RASGRP1: variants seen among roughly 807,000 people sequenced by gnomAD.
The protein encoded by RASGRP1 is RAS guanyl releasing protein 1, also known as RAS guanyl-releasing protein 1.
In RASGRP1, 37 loss-of-function variants were observed where a neutral mutation model predicts 95.1. The observed-to-expected ratio is 0.39, with a 90% CI of 0.30 to 0.51. RASGRP1 has a LOEUF of 0.51. RASGRP1 is among the 20% of genes least tolerant of loss of function. RASGRP1 has a pLI of 0.80. For synonymous variants in RASGRP1, 325 were observed against 353.4 expected, an observed-to-expected ratio of 0.92 and a Z score of 0.90; for missense variants, 711 against 965.4, an observed-to-expected ratio of 0.74 and a Z score of 3.49.
chr15:38,492,229 T>C (rs1473901626), intron 16 of RASGRP1, among the ~76,000 whole-genome samples: 1 of 152,234 alleles, frequency 6.6e-6, no homozygotes, highest in East Asian at 1.9e-4. Context: ...ATCTTAACAA[T>C]AACTCTGAGC....
At chr15:38,499,118 C>T (rs566480755) in intron 14 of RASGRP1, 172 bp from the exon 15 acceptor site, 352 of 869,846 alleles carry the variant, frequency 4.0e-4, no homozygotes, top group Non-Finnish European at 6.4e-4. Flanking sequence ...TTGGTGAAGC[C>T]CAGAGCTCAC....
At chr15:38,546,650 G>GAGTA (rs1326676114) in intron 2 of RASGRP1, among the ~76,000 whole-genome samples, 3 of 152,178 alleles carry the variant, frequency 2.0e-5, no homozygotes, top group Non-Finnish European at 4.4e-5. Context: ...AGGGAATAAA[G>GAGTA]TTACTATGTG....
intron 4 of RASGRP1, 35 bp downstream of exon 4, chr15:38,519,274 T>C (rs567182479): frequency 1.2e-5 from 18 of 1,500,064 alleles, no homozygotes; most frequent in Non-Finnish European, 1.7e-5. Context: ...TTCACCTTGC[T>C]CCACAAAGTC....
At chr15:38,535,023 A>T (rs1254109054) in intron 2 of RASGRP1, among the ~76,000 whole-genome samples, 1 of 152,182 alleles carries the variant, frequency 6.6e-6, no homozygotes, top group Non-Finnish European at 1.5e-5. Context: ...GGGTGAGAAC[A>T]CCTGATAATG....
rs567706488 is a variant in RASGRP1, at chr15:38,489,715, A to G, written c.*839T>C. 56 of 130,026 alleles carry G rather than the reference A, an allele frequency of 4.3e-4. No homozygotes were observed. The highest frequency in any genetic ancestry group is 1.6e-3 in the African/African-American group (56 of 34,740). 8.1% of individuals were successfully genotyped at this position (130,026 alleles called of 1,614,324 possible). The stretch of plus-strand genomic sequence containing the variant: ...AAAGATGGAACATGAAGAGTTAAAC[A>G]GACTCTTCATAGACTTTTTTTTTTA... On this transcript the variant is annotated 3_prime_UTR_variant, in exon 17 of 17. Coordinates refer to ENST00000310803, the MANE Select transcript of RASGRP1 (RefSeq NM_005739.4).
chr15:38,557,533 C>G (rs1893614120), intron 2 of RASGRP1, among the ~76,000 whole-genome samples: 1 of 152,050 alleles, frequency 6.6e-6, no homozygotes, highest in Non-Finnish European at 1.5e-5. Flanking sequence ...TACTCAAACT[C>G]TACATGGTAT....
chr15:38,526,114 C>T (rs1010326049), intron 3 of RASGRP1, among the ~76,000 whole-genome samples, 185 bp downstream of exon 3: 1 of 152,062 alleles, frequency 6.6e-6, no homozygotes, highest in African/African-American at 2.4e-5. Context: ...TAACATTGCC[C>T]CACCCAACAG....
At chr15:38,538,530 A>G (rs1892747874) in intron 2 of RASGRP1, among the ~76,000 whole-genome samples, 1 of 152,188 alleles carries the variant, frequency 6.6e-6, no homozygotes, top group African/African-American at 2.4e-5. Flanking sequence ...CTTCCTGTGT[A>G]CCAGACACTG....
At chr15:38,536,277 CG>C (rs1892641811) in intron 2 of RASGRP1, among the ~76,000 whole-genome samples, 1 of 152,132 alleles carries the variant, frequency 6.6e-6, no homozygotes, top group South Asian at 2.1e-4. Flanking sequence ...GAAGGAGCAG[CG>C]GGGCCCTGTC....
chr15:38,546,537 T>G lies in RASGRP1; in HGVS notation c.220+13284A>C, dbSNP rs1893113028. Among the ~76,000 whole-genome samples, 3 of 152,346 alleles carry G rather than the reference T, an allele frequency of 2.0e-5. 1 individual carries two copies. The South Asian group carries it at 6.2e-4, about 32-fold the overall frequency. Reference sequence around the variant, plus strand: ...AGCCACCGTGCTGGGCCATAAATTCTAACTTTCTGGTAAGATGCTTACTTC... The same window carrying G: ...AGCCACCGTGCTGGGCCATAAATTCGAACTTTCTGGTAAGATGCTTACTTC... On this transcript the variant is annotated intron_variant, in intron 2 of 16. Coordinates refer to ENST00000310803, the MANE Select transcript of RASGRP1 (RefSeq NM_005739.4).
At position 38,492,164 on chromosome 15, in the gene RASGRP1, G is replaced by C. The variant is rs1253847690; in HGVS notation, c.2260-1476C>G. Among the ~76,000 whole-genome samples the C allele has an allele frequency of 5.9e-5, 9 of 152,270 alleles. No individual in the cohort carries two copies. In the East Asian group the frequency reaches 1.7e-3, roughly 29 times the overall value. Reference sequence around the variant, plus strand: ...GCAGTTTCTATCCCTAAAGAGGAAGGGGTTTGTCTAACCCACGTTTTGCCA... The same window carrying C: ...GCAGTTTCTATCCCTAAAGAGGAAGCGGTTTGTCTAACCCACGTTTTGCCA... On this transcript the variant is annotated intron_variant, in intron 16 of 16. Coordinates refer to ENST00000310803, the MANE Select transcript of RASGRP1 (RefSeq NM_005739.4).
At chr15:38,513,185 T>A (rs1310380446) in intron 6 of RASGRP1, among the ~76,000 whole-genome samples, 1 of 152,200 alleles carries the variant, frequency 6.6e-6, no homozygotes, top group Non-Finnish European at 1.5e-5. Flanking sequence ...TCGAAAGTTA[T>A]TAGGAATAAG....
intron 15 of RASGRP1, among the ~76,000 whole-genome samples, chr15:38,496,805 T>C (rs1357019791): frequency 6.6e-6 from 1 of 152,318 alleles, no homozygotes; most frequent in East Asian, 1.9e-4. Context: ...AATGTGCATT[T>C]CTTACATGGA....
chr15:38,526,491 G>C (rs4924272), intron 2 of RASGRP1, 87 bp from the exon 3 acceptor site: 21,095 of 937,914 alleles, frequency 0.022, 943 homozygotes, highest in East Asian at 0.14. Flanking sequence ...TGTGACTCAG[G>C]TGCAATCCTT....
intron 2 of RASGRP1, among the ~76,000 whole-genome samples, chr15:38,559,364 C>G (rs1893713070): frequency 6.6e-6 from 1 of 152,166 alleles, no homozygotes; most frequent in Admixed American, 6.5e-5. Context: ...TTTACCCAGT[C>G]CTTTCCTATT....
Position 38,505,711 on chromosome 15 carries a change from A to G in RASGRP1, c.1323+129T>C, listed in dbSNP as rs189767902. 333 of 707,822 alleles carry G rather than the reference A, an allele frequency of 4.7e-4. 3 individuals carry two copies. In the Admixed American group the frequency reaches 7.8e-3, roughly 17 times the overall value. The allele number at this position is 707,822 out of a possible 1,614,324, so 43.8% of individuals were successfully genotyped here. On this transcript the variant is annotated intron_variant, in intron 10 of 16. Transcript: ENST00000310803. ...AAAAGCTTTCTCTGTTCCTAGCATA[A>G]GGTTGAGCACTAAGAAAAACAGTAC...
chr15:38,502,463 C>T (rs548115475), intron 11 of RASGRP1, 42 bp from the exon 12 acceptor site: 25 of 1,240,332 alleles, frequency 2.0e-5, no homozygotes, highest in African/African-American at 4.5e-5. Context: ...AAAGAGAAAC[C>T]GGTCTTCTCT....
At chr15:38,508,035 G>T (rs537383478) in intron 8 of RASGRP1, 34 bp from the exon 9 acceptor site, 3 of 1,565,592 alleles carry the variant, frequency 1.9e-6, no homozygotes, top group African/African-American at 1.4e-5. Flanking sequence ...ACAGGTACCC[G>T]CTAGGCAGTG....
At chr15:38,543,017 A>G (rs2141170670) in intron 2 of RASGRP1, among the ~76,000 whole-genome samples, 1 of 150,434 alleles carries the variant, frequency 6.6e-6, no homozygotes, top group South Asian at 2.1e-4. Context: ...GTATCTTTTG[A>G]TGAGAAGTTT....
Sources: allele counts gnomAD v4.1 joint callset (sites outside exome capture counted in the v4.1 genomes callset), GRCh38; gene constraint gnomAD v4.1.1; transcripts MANE v1.5; gene names NCBI Gene and HGNC (gene_info 2026-07-23, HGNC 2026-07-21).